FHIP2A: variants seen among roughly 807,000 people sequenced by gnomAD.
FHIP2A encodes FHF complex subunit HOOK interacting protein 2A, also known as family with sequence similarity 160 member B1.
FHIP2A carries 46 observed loss-of-function variants against 93.5 expected under a neutral mutation model. That is an observed-to-expected ratio of 0.49 (90% CI 0.39 to 0.63). FHIP2A has a LOEUF of 0.63. FHIP2A is among the 20% of genes least tolerant of loss of function. The probability of loss-of-function intolerance (pLI) is 0.00; values close to 1 mark genes in which losing one functional copy is unlikely to be tolerated. For synonymous variants in FHIP2A, 332 were observed against 326.5 expected (o/e 1.02, Z -0.18); for missense variants, 769 against 909.7 (o/e 0.85, Z 1.99).
At chr10:114,855,068 T>C in intron 13 of FHIP2A, 129 bp from the exon 14 acceptor site, 1 of 905,238 alleles carries the variant, frequency 1.1e-6, no homozygotes, top group Non-Finnish European at 1.6e-6. Context: ...CCCCTCTCCC[T>C]TGGCACCTGA....
intron 13 of FHIP2A, among the ~76,000 whole-genome samples, chr10:114,854,930 G>A (rs983842053): frequency 2.6e-5 from 4 of 152,152 alleles, no homozygotes; most frequent in Non-Finnish European, 5.9e-5. Context: ...TCCTTTAAAG[G>A]AAAGAGCTGT....
At chr10:114,837,016 C>G (rs562944908) in intron 5 of FHIP2A, among the ~76,000 whole-genome samples, 111 of 152,204 alleles carry the variant, frequency 7.3e-4, no homozygotes, top group African/African-American at 2.6e-3. Flanking sequence ...ATCCTCTTAC[C>G]TTAGCCTACC....
In FHIP2A at chr10:114,836,210, G is replaced by A; in HGVS notation, c.486G>A (p.Leu162=). ...IQFLCIVCAK[L]KQDPYLVNFF... is the part of the protein sequence containing the mutation. ...TTCTTTGCATTGTGTGTGCGAAGCT[G>A]AAACAGGACCCCTACCTGGTTAACT... Residue 162 remains leucine (L), a synonymous_variant, in exon 5 of 17, where the codon CTG becomes CTA. Transcript: ENST00000369248. The A allele has an allele frequency of 1.9e-6, 3 of 1,601,568 alleles. No homozygotes were observed. The highest frequency in any genetic ancestry group is 2.6e-6 in the Non-Finnish European group (3 of 1,171,252).
At chr10:114,844,035 A>C in intron 7 of FHIP2A, 98 bp downstream of exon 7, 2 of 897,274 alleles carry the variant, frequency 2.2e-6, no homozygotes, top group Non-Finnish European at 1.7e-6. Context: ...TCTTTGAAAA[A>C]TTGAACACCA....
chr10:114,835,510 G>T (rs2083632063), intron 3 of FHIP2A, 27 bp from the exon 4 acceptor site: 2 of 1,404,628 alleles, frequency 1.4e-6, no homozygotes, highest in East Asian at 4.6e-5. Context: ...TTGTTTTCCT[G>T]TTGGCTTCCT....
chr10:114,848,624 A>T (rs1354843279), intron 12 of FHIP2A, 23 bp from the exon 13 acceptor site: 1 of 1,462,244 alleles, frequency 6.8e-7, no homozygotes, highest in South Asian at 1.2e-5. Flanking sequence ...CATCTTGCAT[A>T]ATTGTGGCCG....
intron 2 of FHIP2A, among the ~76,000 whole-genome samples, chr10:114,832,136 T>G (rs2083611492): frequency 1.3e-5 from 2 of 152,308 alleles, no homozygotes; most frequent in African/African-American, 4.8e-5. Context: ...CTTCACATTT[T>G]TAAGAGTAAT....
chr10:114,855,182 C>A lies in FHIP2A; in HGVS notation c.1804-15C>A, dbSNP rs1169723325. ...TTTTTGTTCTTTAATGATTCACATG[C>A]TTTTTTCCCCCTAGTTCCGAGACTA... On this transcript the variant is annotated splice_polypyrimidine_tract_variant and intron_variant, in intron 13 of 16. Transcript: ENST00000369248. The A allele has an allele frequency of 6.3e-7, 1 of 1,594,232 alleles. No homozygotes were observed. Among genetic ancestry groups the A allele is most frequent in the Non-Finnish European group, 8.5e-7 (1 of 1,171,906 alleles).
chr10:114,857,608 C>T (rs1371516441), intron 14 of FHIP2A, among the ~76,000 whole-genome samples: 1 of 152,110 alleles, frequency 6.6e-6, no homozygotes, highest in Middle Eastern at 3.2e-3. Context: ...CCACGCCTGG[C>T]CTTCTTCTTT....
chr10:114,854,010 T>G (rs1310424814), intron 13 of FHIP2A, among the ~76,000 whole-genome samples: 1 of 152,258 alleles, frequency 6.6e-6, no homozygotes, highest in Non-Finnish European at 1.5e-5. Context: ...AAATTTCTTT[T>G]GTTTCAATTC....
chr10:114,896,924 G>A (rs1008417275), intron 16 of FHIP2A, among the ~76,000 whole-genome samples: 6 of 152,108 alleles, frequency 3.9e-5, no homozygotes, highest in Non-Finnish European at 7.3e-5. Flanking sequence ...TAAAGTAAAG[G>A]TTCCTCTTCA....
downstream of FHIP2A, among the ~76,000 whole-genome samples, chr10:114,867,623 A>G (rs2083835926): frequency 6.6e-6 from 1 of 152,172 alleles, no homozygotes; most frequent in South Asian, 2.1e-4. Context: ...AGCAGCTTGC[A>G]TATCCAATTA....
chr10:114,833,196 A>G, intron 2 of FHIP2A, 37 bp from the exon 3 acceptor site: 1 of 1,535,394 alleles, frequency 6.5e-7, no homozygotes, highest in South Asian at 1.2e-5. Flanking sequence ...CAGTTTAAAA[A>G]TGTTTAAATA....
At chr10:114,851,487 A>G (rs1412140875) in intron 13 of FHIP2A, among the ~76,000 whole-genome samples, 1 of 152,068 alleles carries the variant, frequency 6.6e-6, no homozygotes, top group Non-Finnish European at 1.5e-5. Context: ...TTTTCCGTGT[A>G]TTGACTTTAA....
chr10:114,836,831 T>G (rs1040030257), intron 5 of FHIP2A, among the ~76,000 whole-genome samples: 1 of 152,242 alleles, frequency 6.6e-6, no homozygotes, highest in Non-Finnish European at 1.5e-5. Context: ...TTTTCAGCAG[T>G]GAAGTCATTT....
At chr10:114,867,822 A>G (rs2083837522), downstream of FHIP2A, among the ~76,000 whole-genome samples, 1 of 152,234 alleles carries the variant, frequency 6.6e-6, no homozygotes, top group South Asian at 2.1e-4. Context: ...CACTCCTGCC[A>G]GGGAGCAAGA....
At position 114,843,155 on chromosome 10, in the gene FHIP2A, G is replaced by C; in HGVS notation, c.745G>C (p.Glu249Gln). Residue 249 changes from glutamate (E) to glutamine (Q), a missense_variant, in exon 6 of 17, where the codon GAG (glutamate) becomes CAG (glutamine). Glu to Gln is a conservative substitution (Grantham distance 29, BLOSUM62 2). Coordinates refer to ENST00000369248, the MANE Select transcript of FHIP2A (RefSeq NM_020940.4). ...LDNLSVTSLPEASVVCPNQDY... is the reference protein window; with the variant it reads ...LDNLSVTSLPQASVVCPNQDY... ...TAACCTCAGTGTCACCTCACTGCCA[G>C]AGGCCTCGGTTGTTTGTCCAAATCA... is the stretch of plus-strand genomic sequence containing the variant. The C allele has an allele frequency of 6.2e-7, 1 of 1,614,014 alleles. No homozygotes were observed. The highest frequency in any genetic ancestry group is 8.5e-7 in the Non-Finnish European group (1 of 1,179,960).
At chr10:114,889,881 A>G (rs1350770548) in intron 16 of FHIP2A, among the ~76,000 whole-genome samples, 1 of 152,064 alleles carries the variant, frequency 6.6e-6, no homozygotes. Flanking sequence ...TCCTCCCTCA[A>G]GCATCTTCAG....
At chr10:114,844,713 T>A (rs1466568271) in intron 7 of FHIP2A, among the ~76,000 whole-genome samples, 1 of 152,176 alleles carries the variant, frequency 6.6e-6, no homozygotes, top group Admixed American at 6.5e-5. Flanking sequence ...TGATGTTACT[T>A]GGTAACATTT....
Sources: allele counts gnomAD v4.1 joint callset (sites outside exome capture counted in the v4.1 genomes callset), GRCh38; gene constraint gnomAD v4.1.1; transcripts MANE v1.5; gene names NCBI Gene and HGNC (gene_info 2026-07-23, HGNC 2026-07-21).